Variants in UTRN observed in about 807,000 individuals in gnomAD.
UTRN encodes dystrophin-related protein 1.
Under a neutral mutation model 463.9 loss-of-function variants are expected in UTRN, and 283 were observed. The observed-to-expected ratio is 0.61, with a 90% CI of 0.55 to 0.67. The LOEUF is 0.67. Ranked by LOEUF, UTRN falls within the 30% of genes least tolerant of loss-of-function variation. The pLI, the probability that UTRN is intolerant of heterozygous loss-of-function variation, is 0.00. For synonymous variants in UTRN, 1,442 were observed against 1,431.5 expected (o/e 1.01, Z -0.17); for missense variants, 3,922 against 4,084.3 (o/e 0.96, Z 1.08).
intron 43 of UTRN, among the ~76,000 whole-genome samples, chr6:144,536,381 A>T (rs1320906288): frequency 1.3e-5 from 2 of 152,124 alleles, no homozygotes; most frequent in Non-Finnish European, 2.9e-5. Context: ...ATTTAAGTTA[A>T]ATACTTTTCA....
intron 46 of UTRN, among the ~76,000 whole-genome samples, chr6:144,544,754 C>T (rs1039315254): frequency 1.3e-5 from 2 of 152,064 alleles, no homozygotes; most frequent in Admixed American, 6.6e-5. Context: ...AAGCTACCTG[C>T]GGCTGTACCC....
At chr6:144,318,451 C>T (rs942211739) in intron 2 of UTRN, among the ~76,000 whole-genome samples, 19 of 151,950 alleles carry the variant, frequency 1.3e-4, no homozygotes, top group African/African-American at 3.9e-4. Flanking sequence ...CCTACCACTA[C>T]GCCTGGCTAA....
In UTRN at chr6:144,355,903, A is replaced by G. The variant is rs535081701; in HGVS notation, c.80-47220A>G. ...ATTTATAGATGAAATAATATTTAGAACATACCAAATTTTGAATTAGAAATA... is the reference window on the plus strand; with the variant it reads ...ATTTATAGATGAAATAATATTTAGAGCATACCAAATTTTGAATTAGAAATA... On this transcript the variant is annotated intron_variant, in intron 2 of 74. Coordinates refer to ENST00000367545, the MANE Select transcript of UTRN (RefSeq NM_007124.3). 2.0e-4 allele frequency among the ~76,000 whole-genome samples: 31 copies of G among 152,358 alleles called. No individual in the cohort carries two copies. In the South Asian group the frequency reaches 6.0e-3, roughly 30 times the overall value.
Position 144,479,927 on chromosome 6 carries a change from G to A in UTRN, c.3452G>A (p.Arg1151Gln), listed in dbSNP as rs372851011. 5.5e-5 allele frequency: 89 copies of A among 1,614,022 alleles called. No homozygotes were observed. Among genetic ancestry groups the A allele is most frequent in the Non-Finnish European group, 7.2e-5 (85 of 1,180,010 alleles). Residue 1151 changes from arginine to glutamine, a missense_variant, in exon 26 of 75, where the codon CGG (arginine) becomes CAG (glutamine). Physicochemically the swap from Arg to Gln is conservative, Grantham distance 43. Around this residue, in one of 3 missense-constraint regions of UTRN, gnomAD observed 2,349 missense variants for 2,303.8 expected, o/e 1.02. Coordinates refer to ENST00000367545, the MANE Select transcript of UTRN (RefSeq NM_007124.3). Reference protein sequence around the residue: ...MTQAEEEYLERDFEYKSPEEL... With the variant: ...MTQAEEEYLEQDFEYKSPEEL... ...CAGGCCGAGGAAGAATATTTGGAGCGGGATTTTGAGTACAAGTCACCAGAA... is the reference window on the plus strand; with the variant it reads ...CAGGCCGAGGAAGAATATTTGGAGCAGGATTTTGAGTACAAGTCACCAGAA...
rs572231557 is a variant in UTRN, at chr6:144,731,952, C to T, written c.7939+1466C>T. The stretch of plus-strand genomic sequence containing the variant: ...TCTCGGCTCACTGCAATCTCTGCCT[C>T]CCAGGTTCAAGCAATTCTCATACCT... On this transcript the variant is annotated intron_variant, in intron 54 of 74. Transcript: ENST00000367545. Among the ~76,000 whole-genome samples, 12 of 151,828 alleles carry T rather than the reference C, an allele frequency of 7.9e-5. No individual in the cohort carries two copies. In the East Asian group the frequency reaches 2.3e-3, roughly 29 times the overall value.
At chr6:144,812,576 T>C (rs938666993) in intron 65 of UTRN, among the ~76,000 whole-genome samples, 5 of 152,160 alleles carry the variant, frequency 3.3e-5, no homozygotes, top group African/African-American at 4.8e-5. Flanking sequence ...ATATACAAAC[T>C]CAAGCAAAAG....
intron 54 of UTRN, among the ~76,000 whole-genome samples, chr6:144,732,275 TATAC>T (rs1234530398): frequency 3.5e-5 from 3 of 85,708 alleles, no homozygotes; most frequent in African/African-American, 2.1e-4. Context: ...TATATATATA[TATAC>T]ACACATATAT....
intron 51 of UTRN, among the ~76,000 whole-genome samples, chr6:144,607,343 C>T (rs1013325737): frequency 5.9e-5 from 9 of 152,110 alleles, no homozygotes; most frequent in South Asian, 2.1e-4. Flanking sequence ...TGGAGCTGCA[C>T]GATGCACATT....
At chr6:144,543,811 A>AT (rs1798184616) in intron 46 of UTRN, among the ~76,000 whole-genome samples, 2 of 151,288 alleles carry the variant, frequency 1.3e-5, no homozygotes, top group East Asian at 1.9e-4. Flanking sequence ...CAGACAATAT[A>AT]TTTTTTTTCA....
In UTRN at chr6:144,487,626, G is replaced by A; in HGVS notation, c.3901G>A (p.Gly1301Arg). The A allele has an allele frequency of 1.2e-6, 2 of 1,613,634 alleles. No homozygotes were observed. Among genetic ancestry groups the A allele is most frequent in the South Asian group, 1.1e-5 (1 of 91,030 alleles). ...GCTTGGCCAGACTCTGATTGATGGG[G>A]GGATCCTGGATGATATAATCAGTGA... The part of the protein sequence containing the change: ...RELGQTLIDG[G>R]ILDDIISEKL... Residue 1301 changes from glycine to arginine, a missense_variant, in exon 29 of 75, where the codon GGG becomes AGG. By Grantham distance (125) the Gly-to-Arg change is moderately radical. Transcript: ENST00000367545.
At chr6:144,388,519 T>TATTTATTTATTC (rs1781617077) in intron 2 of UTRN, among the ~76,000 whole-genome samples, 1 of 151,072 alleles carries the variant, frequency 6.6e-6, no homozygotes, top group African/African-American at 2.5e-5. Context: ...TTTATTTATT[T>TATTTATTTATTC]GAGACAGGAT....
At chr6:144,419,041 A>C (rs1277851403) in intron 3 of UTRN, among the ~76,000 whole-genome samples, 1 of 151,192 alleles carries the variant, frequency 6.6e-6, no homozygotes, top group Non-Finnish European at 1.5e-5. Flanking sequence ...TATGCCTAAG[A>C]CCTGAAAGTG....
In UTRN at chr6:144,469,616, A is replaced by C. The variant is rs551531465; in HGVS notation, c.3067-4104A>C. ...GGATTTTTAGTAGTGAAAATATTAT[A>C]GTGTGGCTTTACAGGTTCCCTTCTA... On this transcript the variant is annotated intron_variant, in intron 23 of 74. Coordinates refer to ENST00000367545, the MANE Select transcript of UTRN (RefSeq NM_007124.3). Among the ~76,000 whole-genome samples, 12 of 151,602 alleles carry C rather than the reference A, an allele frequency of 7.9e-5. No individual in the cohort carries two copies. In the South Asian group the frequency reaches 2.5e-3, roughly 32 times the overall value.
intron 58 of UTRN, 182 bp downstream of exon 58, chr6:144,758,171 T>G (rs991519468): frequency 1.2e-5 from 6 of 514,320 alleles, no homozygotes; most frequent in African/African-American, 7.8e-5. Flanking sequence ...TTTTCATGTA[T>G]CAGATTAGGG....
intron 62 of UTRN, among the ~76,000 whole-genome samples, chr6:144,790,062 GCAAATTTTCTTCAACTGAAAA>G (rs1466328365): frequency 2.0e-4 from 31 of 152,268 alleles, no homozygotes; most frequent in African/African-American, 7.2e-4. Context: ...CTGAAATTTA[GCAAATTTTCTTCAACTGAAAA>G]AATGAAGCTA....
At chr6:144,506,660 T>C (rs1794717364) in intron 34 of UTRN, among the ~76,000 whole-genome samples, 1 of 152,226 alleles carries the variant, frequency 6.6e-6, no homozygotes, top group South Asian at 2.1e-4. Flanking sequence ...TCTTTGTGGG[T>C]AACCTGACCT....
At chr6:144,513,255 GT>G (rs1435146446) in intron 35 of UTRN, among the ~76,000 whole-genome samples, 2 of 152,280 alleles carry the variant, frequency 1.3e-5, no homozygotes, top group African/African-American at 4.8e-5. Flanking sequence ...CCTTAAATGA[GT>G]TTTTTAAAAA....
rs367600803 is a variant in UTRN at position 144,677,280 on chromosome 6, C to T, written c.7480-1126C>T. 7.9e-5 allele frequency among the ~76,000 whole-genome samples: 12 copies of T among 152,142 alleles called. No homozygotes were observed. In the East Asian group the frequency reaches 1.4e-3, roughly 17 times the overall value. On this transcript the variant is annotated intron_variant, in intron 51 of 74. Transcript: ENST00000367545. ...CTCCCTTTCCTTTCGCCCTACCCCC[C>T]GACATCCCCCGGTGTGTGATGTCCC...
intron 34 of UTRN, among the ~76,000 whole-genome samples, chr6:144,500,034 A>G (rs1191194651): frequency 6.6e-6 from 1 of 152,178 alleles, no homozygotes; most frequent in Non-Finnish European, 1.5e-5. Context: ...ACCTAGGTTG[A>G]TGACATGTCC....
Sources: allele counts gnomAD v4.1 joint callset (sites outside exome capture counted in the v4.1 genomes callset), GRCh38; gene constraint gnomAD v4.1.1; regional missense constraint gnomAD v4.1.1; transcripts MANE v1.5; gene names NCBI Gene and HGNC (gene_info 2026-07-23, HGNC 2026-07-21).